Variants in KCNIP4 observed in about 807,000 individuals in gnomAD.
The protein encoded by KCNIP4 is Kv channel-interacting protein 4.
In KCNIP4, 12 loss-of-function variants were observed where a neutral mutation model predicts 34.0. The ratio of observed to expected loss-of-function variants is 0.35; its 90% CI spans 0.23 to 0.57. The LOEUF (loss-of-function observed/expected upper bound fraction) is 0.57, where lower values mean the gene tolerates loss of function less well. KCNIP4 is among the 20% of genes least tolerant of loss of function. The probability of loss-of-function intolerance (pLI) is 0.83; values close to 1 mark genes in which losing one functional copy is unlikely to be tolerated. For missense variants in KCNIP4, 238 were observed against 311.7 expected, an observed-to-expected ratio of 0.76 and a Z score of 1.78; for synonymous variants, 124 against 102.2, an observed-to-expected ratio of 1.21 and a Z score of -1.29.
intron 1 of KCNIP4, among the ~76,000 whole-genome samples, chr4:21,516,140 A>G (rs1170585493): frequency 1.3e-5 from 2 of 152,226 alleles, no homozygotes; most frequent in Non-Finnish European, 2.9e-5. Flanking sequence ...ACCTTGAGCA[A>G]AGTGCTATGA....
intron 1 of KCNIP4, among the ~76,000 whole-genome samples, chr4:21,910,197 C>G (rs1185902872): frequency 6.6e-6 from 1 of 152,088 alleles, no homozygotes; most frequent in Non-Finnish European, 1.5e-5. Flanking sequence ...GAGATGAGGT[C>G]AGGTAATATC....
At chr4:21,648,608 A>G (rs1490011735) in intron 1 of KCNIP4, among the ~76,000 whole-genome samples, 2 of 152,208 alleles carry the variant, frequency 1.3e-5, no homozygotes, top group Admixed American at 6.5e-5. Context: ...ATCAATTTCA[A>G]ACACGAAGGG....
chr4:21,619,907 G>A (rs1228885563), intron 1 of KCNIP4, among the ~76,000 whole-genome samples: 1 of 152,160 alleles, frequency 6.6e-6, no homozygotes, highest in African/African-American at 2.4e-5. Flanking sequence ...TAGAAGGGGT[G>A]TTACCTTGGG....
At chr4:21,238,078 C>T (rs11946929) in intron 1 of KCNIP4, among the ~76,000 whole-genome samples, 14 of 151,976 alleles carry the variant, frequency 9.2e-5, no homozygotes, top group South Asian at 4.2e-4. Context: ...GTTCAACATA[C>T]GCAAATCAAT....
rs185492659 is a variant in KCNIP4 at position 20,887,515 on chromosome 4, G to A, written c.62-4806C>T. 2.6e-3 allele frequency among the ~76,000 whole-genome samples: 390 copies of A among 151,864 alleles called. 3 individuals carry two copies. The highest frequency in any genetic ancestry group is 8.3e-3 in the African/African-American group (346 of 41,446). On this transcript the variant is annotated intron_variant, in intron 1 of 8. Transcript: ENST00000382152. ...AAATGAAAAGAGAAGAAAAGGACCC[G>A]TACATACAAGGGTCAAATAATGTAA...
intron 1 of KCNIP4, among the ~76,000 whole-genome samples, chr4:21,039,947 G>C (rs759495377): frequency 6.6e-6 from 1 of 152,118 alleles, no homozygotes; most frequent in Admixed American, 6.6e-5. Flanking sequence ...CCTCATGGCT[G>C]GGGAGGCCTC....
At chr4:21,067,221 AC>A (rs1460305175) in intron 1 of KCNIP4, among the ~76,000 whole-genome samples, 3 of 152,100 alleles carry the variant, frequency 2.0e-5, no homozygotes, top group Non-Finnish European at 4.4e-5. Flanking sequence ...TCGCTAAAGA[AC>A]CCTTGGGCCC....
chr4:21,745,453 T>C (rs1009235651), intron 1 of KCNIP4, among the ~76,000 whole-genome samples: 1 of 152,146 alleles, frequency 6.6e-6, no homozygotes, highest in Admixed American at 6.6e-5. Context: ...TTCAAAAGAA[T>C]GTAATAGCCA....
intron 1 of KCNIP4, among the ~76,000 whole-genome samples, chr4:21,151,040 A>G (rs1390968824): frequency 6.6e-6 from 1 of 152,194 alleles, no homozygotes; most frequent in Non-Finnish European, 1.5e-5. Context: ...GCCTTTCTAT[A>G]ATATTAGAAG....
At chr4:20,860,503 T>G (rs1722081617) in intron 2 of KCNIP4, among the ~76,000 whole-genome samples, 2 of 152,222 alleles carry the variant, frequency 1.3e-5, no homozygotes, top group Admixed American at 6.5e-5. Flanking sequence ...TCTAAAAAGA[T>G]TATAAATATT....
intron 1 of KCNIP4, among the ~76,000 whole-genome samples, chr4:21,884,006 C>T (rs1578108097): frequency 6.6e-6 from 1 of 152,058 alleles, no homozygotes; most frequent in Non-Finnish European, 1.5e-5. Flanking sequence ...GTAGCAGGAA[C>T]TCAAACGTAA....
At chr4:21,746,438 T>C (rs1366224658) in intron 1 of KCNIP4, among the ~76,000 whole-genome samples, 1 of 152,124 alleles carries the variant, frequency 6.6e-6, no homozygotes, top group Non-Finnish European at 1.5e-5. Flanking sequence ...TTTAAAAGCA[T>C]TTTAATCCTG....
intron 1 of KCNIP4, among the ~76,000 whole-genome samples, chr4:21,685,211 A>G (rs1014121672): frequency 2.0e-5 from 3 of 152,194 alleles, no homozygotes; most frequent in Non-Finnish European, 4.4e-5. Flanking sequence ...AAATAATTGC[A>G]TAATGTTTTA....
At chr4:21,641,341 C>A (rs1305329928) in intron 1 of KCNIP4, among the ~76,000 whole-genome samples, 1 of 152,214 alleles carries the variant, frequency 6.6e-6, no homozygotes, top group East Asian at 1.9e-4. Flanking sequence ...CAGGCACATA[C>A]AATAGACAGC....
chr4:21,692,982 A>G (rs928362920), intron 1 of KCNIP4, among the ~76,000 whole-genome samples: 18 of 151,866 alleles, frequency 1.2e-4, no homozygotes, highest in Admixed American at 4.6e-4. Context: ...CATAGGAGAG[A>G]GAGGTTGGAA....
chr4:21,938,904 T>C (rs1943379429), intron 1 of KCNIP4, among the ~76,000 whole-genome samples: 1 of 152,194 alleles, frequency 6.6e-6, no homozygotes, highest in Admixed American at 6.5e-5. Flanking sequence ...ACTAGCACTG[T>C]GTCTCTCATA....
intron 1 of KCNIP4, among the ~76,000 whole-genome samples, chr4:21,272,080 C>T (rs1331863526): frequency 3.3e-5 from 5 of 152,114 alleles, no homozygotes; most frequent in Non-Finnish European, 7.4e-5. Context: ...CAGTTTATTT[C>T]GTGCAGTTTT....
intron 1 of KCNIP4, among the ~76,000 whole-genome samples, chr4:21,067,857 C>G (rs1447857677): frequency 6.6e-6 from 1 of 152,024 alleles, no homozygotes; most frequent in African/African-American, 2.4e-5. Context: ...AGTTTCTCAC[C>G]CTTTCTCATA....
At chr4:21,925,353 A>G (rs984579966) in intron 1 of KCNIP4, among the ~76,000 whole-genome samples, 1 of 150,420 alleles carries the variant, frequency 6.6e-6, no homozygotes, top group Non-Finnish European at 1.5e-5. Context: ...TTGTCCTTGC[A>G]ATAGTTTGCT....
Sources: allele counts gnomAD v4.1 joint callset (sites outside exome capture counted in the v4.1 genomes callset), GRCh38; gene constraint gnomAD v4.1.1; transcripts MANE v1.5; gene names NCBI Gene and HGNC (gene_info 2026-07-23, HGNC 2026-07-21).